Variants in WDR36 observed in about 807,000 individuals in gnomAD.
WDR36 encodes WD repeat-containing protein 36.
Under a neutral mutation model 112.7 loss-of-function variants are expected in WDR36, and 63 were observed. That is an observed-to-expected ratio of 0.56 (90% CI 0.46 to 0.69). WDR36 has a LOEUF of 0.69. WDR36 is among the 30% of genes least tolerant of loss of function. The pLI is 0.00. For missense variants in WDR36, 1,226 were observed against 1,070.3 expected, an observed-to-expected ratio of 1.15 and a Z score of -2.03; for synonymous variants, 410 against 362.2, an observed-to-expected ratio of 1.13 and a Z score of -1.50.
chr5:111,120,351 A>C (rs1342034584), intron 17 of WDR36, 145 bp from the exon 18 acceptor site: 12 of 660,724 alleles, frequency 1.8e-5, no homozygotes, highest in Middle Eastern at 4.1e-4. Flanking sequence ...GACATAAGTC[A>C]AGGCGTTTTT....
intron 3 of WDR36, 22 bp from the exon 4 acceptor site, chr5:111,098,700 C>A (rs1449431949): frequency 7.0e-7 from 1 of 1,418,534 alleles, no homozygotes; most frequent in East Asian, 2.3e-5. Flanking sequence ...ATATGAAATT[C>A]TTTTAAACTT....
intron 22 of WDR36, 108 bp from the exon 23 acceptor site, chr5:111,126,626 C>T: frequency 7.0e-6 from 9 of 1,285,236 alleles, no homozygotes; most frequent in Non-Finnish European, 9.9e-6. Context: ...CTTAAGAAAA[C>T]AAATATTCAC....
intron 4 of WDR36, among the ~76,000 whole-genome samples, chr5:111,099,887 C>A (rs993824659): frequency 6.6e-6 from 1 of 151,964 alleles, no homozygotes; most frequent in South Asian, 2.1e-4. Flanking sequence ...CTTTGATACA[C>A]AAATTTACTG....
chr5:111,111,988 C>T (rs1277117292), intron 15 of WDR36, among the ~76,000 whole-genome samples: 1 of 151,744 alleles, frequency 6.6e-6, no homozygotes, highest in Admixed American at 6.6e-5. Flanking sequence ...TTTACTAGTT[C>T]TCACACCAAA....
chr5:111,109,825 A>G (rs958489136), intron 12 of WDR36, among the ~76,000 whole-genome samples: 9 of 151,392 alleles, frequency 5.9e-5, no homozygotes, highest in African/African-American at 2.2e-4. Flanking sequence ...TACAAAAGGC[A>G]AGACAAAAAG....
At position 111,130,116 on chromosome 5, in the gene WDR36, A is replaced by G. The variant is rs972038242; in HGVS notation, c.*3233A>G. The G allele has an allele frequency of 9.6e-6, 2 of 209,322 alleles. No individual in the cohort carries two copies. Among genetic ancestry groups the G allele is most frequent in the African/African-American group, 4.6e-5 (2 of 43,956 alleles). 13.0% of individuals were successfully genotyped at this position (209,322 alleles called of 1,614,324 possible). On this transcript the variant is annotated 3_prime_UTR_variant, in exon 23 of 23. Coordinates refer to ENST00000513710, the MANE Select transcript of WDR36 (RefSeq NM_139281.3). The stretch of plus-strand genomic sequence containing the variant: ...GGTGAGCACATCTCTTGAAGTTTTG[A>G]TATGGGTTGCACAACATTTATAGGA...
intron 16 of WDR36, among the ~76,000 whole-genome samples, chr5:111,114,816 ATAG>A (rs1365669372): frequency 6.6e-6 from 1 of 152,230 alleles, no homozygotes; most frequent in Non-Finnish European, 1.5e-5. Context: ...AGTTGTATAA[ATAG>A]TAGAGTTGGC....
intron 5 of WDR36, among the ~76,000 whole-genome samples, chr5:111,101,899 A>G (rs568379879): frequency 6.6e-6 from 1 of 151,872 alleles, no homozygotes; most frequent in Admixed American, 6.6e-5. Context: ...TGCTCCATGG[A>G]TGTGTTATTT....
At chr5:111,122,480 T>A (rs985395791) in intron 19 of WDR36, among the ~76,000 whole-genome samples, 1 of 152,228 alleles carries the variant, frequency 6.6e-6, no homozygotes, top group African/African-American at 2.4e-5. Flanking sequence ...TTTTTGCTTT[T>A]CTTTATAAGA....
Position 111,129,398 on chromosome 5 carries a change from C to G in WDR36, c.*2515C>G, listed in dbSNP as rs958923704. On this transcript the variant is annotated 3_prime_UTR_variant, in exon 23 of 23. Coordinates refer to ENST00000513710, the MANE Select transcript of WDR36 (RefSeq NM_139281.3). ...ATCTGCTTCCCCATGTAATTAATGA[C>G]ACTTGCTATTGGATTTTTGTAATTT... is the stretch of plus-strand genomic sequence containing the variant. The G allele has an allele frequency of 5.2e-6, 1 of 193,172 alleles. No individual in the cohort carries two copies. The allele number at this position is 193,172 out of a possible 1,614,324, so 12.0% of individuals were successfully genotyped here.
At chr5:111,113,035 A>AT (rs1554109013) in intron 15 of WDR36, 39 bp from the exon 16 acceptor site, 9 of 352,680 alleles carry the variant, frequency 2.6e-5, no homozygotes, top group African/African-American at 1.6e-4. Flanking sequence ...ATATATAAAT[A>AT]ATATATATAT....
rs1187934173 is a variant in WDR36 at position 111,128,293 on chromosome 5, A to G, written c.*1410A>G. 5.4e-6 allele frequency: 1 copy of G among 186,826 alleles called. No homozygotes were observed. The highest frequency in any genetic ancestry group is 1.1e-5 in the Non-Finnish European group (1 of 88,416). 11.6% of individuals were successfully genotyped at this position (186,826 alleles called of 1,614,324 possible). ...AAGCAGTCCTCAAAAGGCATTTACC[A>G]GTGATATCTTTTAATATTCATGTTT... On this transcript the variant is annotated 3_prime_UTR_variant, in exon 23 of 23. Transcript: ENST00000513710.
intron 18 of WDR36, 32 bp from the exon 19 acceptor site, chr5:111,120,964 A>C (rs756318902): frequency 1.3e-6 from 2 of 1,578,990 alleles, no homozygotes; most frequent in Non-Finnish European, 1.7e-6. Context: ...TATGATAAAA[A>C]TCTTTTGTTT....
intron 2 of WDR36, chr5:111,095,183 C>T (rs1752948940): frequency 2.0e-6 from 1 of 492,112 alleles, no homozygotes; most frequent in Non-Finnish European, 3.7e-6. Context: ...TGCTTCATGA[C>T]ATTGACACAT....
In WDR36 at chr5:111,110,189, G is replaced by A. The variant is rs771988908; in HGVS notation, c.1327G>A (p.Ala443Thr). The change falls in exon 13 of 23, where the codon GCA becomes ACA. Residue 443 changes from alanine (A) to threonine (T), a missense_variant and splice_region_variant. Transcript: ENST00000513710. ...CATTTGTGGGTTTTTTTTCTTAAAG[G>A]CAGTGGATATAACTTCTTGTGGAAA... ...ELKKDDITAT[A>T]VDITSCGNFA... 2.1e-5 allele frequency: 34 copies of A among 1,606,396 alleles called. No homozygotes were observed. Among genetic ancestry groups the A allele is most frequent in the South Asian group, 1.1e-4 (10 of 90,938 alleles).
chr5:111,115,332 T>TGCTAG (rs201134288), intron 16 of WDR36, among the ~76,000 whole-genome samples: 1,998 of 152,354 alleles, frequency 0.013, 11 homozygotes, highest in Middle Eastern at 0.058. Flanking sequence ...TACAATGTGC[T>TGCTAG]GCTAGGCACT....
At chr5:111,108,123 G>T (rs1429066767) in intron 12 of WDR36, among the ~76,000 whole-genome samples, 1 of 151,190 alleles carries the variant, frequency 6.6e-6, no homozygotes, top group Admixed American at 6.6e-5. Flanking sequence ...CATTTGTTTA[G>T]ATCTTCCTTA....
At position 111,127,015 on chromosome 5, in the gene WDR36, T is replaced by C. The variant is rs1753690184; in HGVS notation, c.*132T>C. The C allele has an allele frequency of 1.2e-6, 1 of 830,580 alleles. No individual in the cohort carries two copies. Among genetic ancestry groups the C allele is most frequent in the Non-Finnish European group, 1.8e-6 (1 of 551,012 alleles). 51.5% of individuals were successfully genotyped at this position (830,580 alleles called of 1,614,324 possible). A position where few individuals can be genotyped will look rare whatever the true frequency, so the allele number is the denominator to read the frequency against. On this transcript the variant is annotated 3_prime_UTR_variant, in exon 23 of 23. Coordinates refer to ENST00000513710, the MANE Select transcript of WDR36 (RefSeq NM_139281.3). ...CTGACTAGTCAGTATATCTCCACTT[T>C]AAATGCTAAATACTTTCTTGAAATA...
intron 13 of WDR36, among the ~76,000 whole-genome samples, 178 bp from the exon 14 acceptor site, chr5:111,110,610 G>A (rs1358104252): frequency 6.6e-6 from 1 of 150,914 alleles, no homozygotes; most frequent in Non-Finnish European, 1.5e-5. Flanking sequence ...TTTTTTACTC[G>A]AACAGTATTA....
Sources: allele counts gnomAD v4.1 joint callset (sites outside exome capture counted in the v4.1 genomes callset), GRCh38; gene constraint gnomAD v4.1.1; transcripts MANE v1.5; gene names NCBI Gene and HGNC (gene_info 2026-07-23, HGNC 2026-07-21).